Variants in HEATR4 observed in about 807,000 individuals in gnomAD.
HEATR4 encodes HEAT repeat containing 4.
A neutral mutation model predicts 108.8 loss-of-function variants in HEATR4; 95 were observed. The ratio of observed to expected loss-of-function variants is 0.87; its 90% confidence interval spans 0.74 to 1.04. The LOEUF is 1.04. Among genes scored for constraint, HEATR4 ranks in the 50% least tolerant of loss-of-function variants. HEATR4 has a pLI of 0.00. For synonymous variants in HEATR4, 443 were observed against 459.4 expected (o/e 0.96, Z 0.46); for missense variants, 1,152 against 1,253.8 (o/e 0.92, Z 1.23).
the HEATR4 span, chr14:73,612,617 G>T: frequency 7.0e-7 from 1 of 1,419,362 alleles, no homozygotes; most frequent in Non-Finnish European, 9.2e-7. Flanking sequence ...CTGCTGCTGG[G>T]ACGAGCCGCT....
chr14:73,500,529 G>A (rs1886386832), intron 12 of HEATR4, 21 bp downstream of exon 12: 3 of 1,608,328 alleles, frequency 1.9e-6, no homozygotes, highest in African/African-American at 1.3e-5. Context: ...GGTAAGATGA[G>A]AATATGTTTC....
chr14:73,496,422 G>T (rs972778766), intron 15 of HEATR4, among the ~76,000 whole-genome samples, 179 bp downstream of exon 15: 1 of 152,196 alleles, frequency 6.6e-6, no homozygotes, highest in African/African-American at 2.4e-5. Context: ...GTAGGACCTT[G>T]TAACCCAATC....
chr14:73,493,913 A>G (rs994178376), intron 16 of HEATR4, among the ~76,000 whole-genome samples: 7 of 152,216 alleles, frequency 4.6e-5, no homozygotes, highest in African/African-American at 1.7e-4. Flanking sequence ...AATTTATGCT[A>G]TTTAATTATG....
the HEATR4 span, chr14:73,617,251 A>C: frequency 1.9e-6 from 3 of 1,602,872 alleles, no homozygotes; most frequent in Non-Finnish European, 2.6e-6. Flanking sequence ...TGCAGGGCTG[A>C]ATCCAAAAGC....
the HEATR4 span, among the ~76,000 whole-genome samples, chr14:73,622,011 C>T: frequency 6.6e-6 from 1 of 152,022 alleles, no homozygotes; most frequent in Non-Finnish European, 1.5e-5. Context: ...GAACTGCCCC[C>T]CTAGGCCTCC....
the HEATR4 span, among the ~76,000 whole-genome samples, chr14:73,591,371 A>G: frequency 1.3e-5 from 2 of 151,936 alleles, no homozygotes; most frequent in South Asian, 4.2e-4. Flanking sequence ...AACATGGTGT[A>G]ACTCCCTCTT....
At chr14:73,619,702 GT>G in the HEATR4 span, 3 of 1,614,182 alleles carry the variant, frequency 1.9e-6, no homozygotes, top group South Asian at 3.3e-5. Context: ...TGTGCACGCT[GT>G]TTTGGGTGAG....
At chr14:73,592,003 G>A in the HEATR4 span, 20 of 1,428,130 alleles carry the variant, frequency 1.4e-5, no homozygotes, top group Non-Finnish European at 1.6e-5. Context: ...CGCTGCTGCT[G>A]GAACGAGCCG....
chr14:73,550,117 T>C lies in HEATR4; in HGVS notation c.-152+8634A>G, dbSNP rs1242781057. ...GAGTCTCATAGACCCTGTCACAAGG[T>C]CATAGTTCCCCTTCACTGCTCATAG... On this transcript the variant is annotated intron_variant, in intron 1 of 17. Transcript: ENST00000553558. Among the ~76,000 whole-genome samples, 4 of 113,510 alleles carry C rather than the reference T, an allele frequency of 3.5e-5. 1 individual carries two copies. The South Asian group carries it at 1.1e-3, about 31-fold the overall frequency. 74.5% of individuals were successfully genotyped at this position (113,510 alleles called of 152,430 possible). A position where few individuals can be genotyped will look rare whatever the true frequency, so the allele number is the denominator to read the frequency against.
At chr14:73,595,701 T>C in the HEATR4 span, 2 of 1,503,508 alleles carry the variant, frequency 1.3e-6, no homozygotes, top group Non-Finnish European at 1.8e-6. Flanking sequence ...CAGATTCTAG[T>C]GTTCAGTAAC....
chr14:73,614,769 CACTG>C, the HEATR4 span, among the ~76,000 whole-genome samples: 375 of 142,698 alleles, frequency 2.6e-3, 2 homozygotes, highest in African/African-American at 8.4e-3. Context: ...AAAAAAATCA[CACTG>C]ACTAAGAATC....
At chr14:73,633,591 C>G in the HEATR4 span, 1 of 152,216 alleles carries the variant, frequency 6.6e-6, no homozygotes, top group African/African-American at 2.4e-5. Context: ...CTCCTTCAAT[C>G]AGGCTTAGGG....
intron 1 of HEATR4, among the ~76,000 whole-genome samples, chr14:73,534,539 G>A (rs1223439706): frequency 1.8e-5 from 2 of 111,270 alleles, no homozygotes; most frequent in African/African-American, 5.9e-5. Context: ...AATCTAAAAA[G>A]TTAGCCAGGT....
Position 73,492,369 on chromosome 14 carries a change from G to A in HEATR4, c.2844+697C>T, listed in dbSNP as rs1885826212. On this transcript the variant is annotated intron_variant, in intron 17 of 17. Coordinates refer to ENST00000553558, the MANE Select transcript of HEATR4 (RefSeq NM_001220484.1). The surrounding 1 kb of genome is among the most constrained non-coding windows in gnomAD (Gnocchi z 4.9). ...GCAATGGAAGAAAATGTGGAGTTTC[G>A]GAGGGGTCTGCCCCGAGACTTCATG... 6.2e-7 allele frequency: 1 copy of A among 1,613,698 alleles called. No homozygotes were observed. Among genetic ancestry groups the A allele is most frequent in the African/African-American group, 1.3e-5 (1 of 74,878 alleles).
intron 10 of HEATR4, among the ~76,000 whole-genome samples, chr14:73,504,555 C>T (rs980222972): frequency 6.6e-6 from 1 of 152,086 alleles, no homozygotes; most frequent in Non-Finnish European, 1.5e-5. Flanking sequence ...TTTTGCATTT[C>T]TAATAATGCT....
At chr14:73,608,833 G>C in the HEATR4 span, among the ~76,000 whole-genome samples, 3 of 152,200 alleles carry the variant, frequency 2.0e-5, no homozygotes, top group Admixed American at 6.6e-5. Flanking sequence ...TGGCTGAGGA[G>C]GCCTCAGGAA....
At chr14:73,623,317 T>A in the HEATR4 span, among the ~76,000 whole-genome samples, 1 of 152,184 alleles carries the variant, frequency 6.6e-6, no homozygotes, top group African/African-American at 2.4e-5. Flanking sequence ...AAGATAGTCA[T>A]ACTAAGAAAC....
chr14:73,586,032 A>C, the HEATR4 span, among the ~76,000 whole-genome samples: 25 of 151,448 alleles, frequency 1.7e-4, 1 homozygote, highest in African/African-American at 6.0e-4. Context: ...AAAAAAAAAA[A>C]AAACGTAAAC....
At chr14:73,479,468 C>T (rs1388069281) in intron 17 of HEATR4, among the ~76,000 whole-genome samples, 1 of 116,406 alleles carries the variant, frequency 8.6e-6, no homozygotes, top group South Asian at 3.0e-4. Context: ...GACGGAGTTT[C>T]GCTCTTGTTG....
Sources: allele counts gnomAD v4.1 joint callset (sites outside exome capture counted in the v4.1 genomes callset), GRCh38; gene constraint gnomAD v4.1.1; non-coding constraint Gnocchi (gnomAD v3.1); transcripts MANE v1.5; gene names NCBI Gene and HGNC (gene_info 2026-07-23, HGNC 2026-07-21).